The following SYTL1 variants were observed in gnomAD, a reference collection of about 807,000 sequenced individuals.
The protein encoded by SYTL1 is synaptotagmin-like protein 1.
A neutral mutation model predicts 74.6 loss-of-function variants in SYTL1; 53 were observed. The ratio of observed to expected loss-of-function variants is 0.71; its 90% CI spans 0.57 to 0.89. The LOEUF (loss-of-function observed/expected upper bound fraction) is 0.89, where lower values mean the gene tolerates loss of function less well. Ranked by LOEUF, SYTL1 falls within the 40% of genes least tolerant of loss-of-function variation. The pLI, the probability that SYTL1 is intolerant of heterozygous loss-of-function variation, is 0.00. For missense variants in SYTL1, 728 were observed against 768.7 expected (o/e 0.95, Z 0.63); for synonymous variants, 329 against 324.9 (o/e 1.01, Z -0.14).
chr1:27,349,351 G>C, intron 6 of SYTL1, 47 bp from the exon 7 acceptor site: 4 of 1,446,968 alleles, frequency 2.8e-6, no homozygotes, highest in Non-Finnish European at 3.6e-6. Flanking sequence ...AATTTGCTTA[G>C]GGGAGGGCAG....
chr1:27,348,070 A>AG lies in SYTL1; in HGVS notation c.459+63dup, dbSNP rs755643919. ...TCCCTGGAGGGGAGGTGGAATGTGC[A>AG]GGGGGCAGGGGGGAAAGAGCCCCAG... On this transcript the variant is annotated intron_variant, in intron 5 of 14. Transcript: ENST00000616558. This position sits in a 1 kb window ranked among gnomAD's most constrained non-coding sequence, Gnocchi z 4.1. 6 of 1,555,920 alleles carry AG rather than the reference A, an allele frequency of 3.9e-6. No individual in the cohort carries two copies. The East Asian group carries it at 6.7e-5, about 17-fold the overall frequency.
chr1:27,353,792 G>A lies in SYTL1; in HGVS notation c.1629G>A (p.Gln543=), dbSNP rs1410043567. The A allele has an allele frequency of 3.7e-6, 6 of 1,614,102 alleles. No homozygotes were observed. Among genetic ancestry groups the A allele is most frequent in the Non-Finnish European group, 5.1e-6 (6 of 1,179,982 alleles). The change falls in exon 15 of 15, where the codon CAG becomes CAA. Residue 543 remains glutamine (Q), a synonymous_variant. Coordinates refer to ENST00000616558, the MANE Select transcript of SYTL1 (RefSeq NM_001193308.2). ...AGCTGTGGCAAGCCCTCCTGGAGCA[G>A]CCGTGCGAATGGGTGGATGGCCTTC... ...EKQLWQALLE[Q]PCEWVDGLLP...
chr1:27,350,870 A>G lies in SYTL1; in HGVS notation c.1082A>G (p.Asn361Ser), dbSNP rs773464496. 21 of 1,613,722 alleles carry G rather than the reference A, an allele frequency of 1.3e-5. No individual in the cohort carries two copies. In the Middle Eastern group the frequency reaches 4.9e-4, roughly 38 times the overall value. Residue 361 changes from asparagine (N) to serine (S), a missense_variant, in exon 11 of 15, where the codon AAC becomes AGC. By Grantham distance (46) the Asn-to-Ser change is conservative. Transcript: ENST00000616558. This position sits in a 1 kb window ranked among gnomAD's most constrained non-coding sequence, Gnocchi z 6.3. Reference protein sequence around the residue: ...SVWHRESLGRNIFLGEVEVPL... With the variant: ...SVWHRESLGRSIFLGEVEVPL... ...TGGCACCGCGAAAGCCTGGGTCGCA[A>G]CATCTTTCTGGGCGAAGTTGAAGTG...
In SYTL1 at chr1:27,351,722, G is replaced by A; in HGVS notation, c.1343+167G>A. On this transcript the variant is annotated intron_variant, in intron 13 of 14. Transcript: ENST00000616558. This position sits in a 1 kb window ranked among gnomAD's most constrained non-coding sequence, Gnocchi z 5.0. ...AAAGGCCTGGAGTCAGGGAAGTTGA[G>A]GACACCTTTGAGGAGCTGCATTTCA... 1.8e-6 allele frequency: 1 copy of A among 544,982 alleles called. No individual in the cohort carries two copies. The highest frequency in any genetic ancestry group is 2.5e-5 in the South Asian group (1 of 39,970). The allele number at this position is 544,982 out of a possible 1,614,324, so 33.8% of individuals were successfully genotyped here.
In SYTL1 at chr1:27,353,786, G is replaced by A. The variant is rs2015388228; in HGVS notation, c.1623G>A (p.Leu541=). 3 of 1,614,074 alleles carry A rather than the reference G, an allele frequency of 1.9e-6. No individual in the cohort carries two copies. Among genetic ancestry groups the A allele is most frequent in the East Asian group, 2.2e-5 (1 of 44,876 alleles). ...PEEKQLWQAL[L]EQPCEWVDGL... ...AGAAGCAGCTGTGGCAAGCCCTCCT[G>A]GAGCAGCCGTGCGAATGGGTGGATG... Residue 541 remains leucine (L), a synonymous_variant, in exon 15 of 15, where the codon CTG becomes CTA. Coordinates refer to ENST00000616558, the MANE Select transcript of SYTL1 (RefSeq NM_001193308.2).
Position 27,351,209 on chromosome 1 carries a change from A to G in SYTL1, c.1165-49A>G. 1 of 1,542,702 alleles carries G rather than the reference A, an allele frequency of 6.5e-7. No individual in the cohort carries two copies. Among genetic ancestry groups the G allele is most frequent in the Non-Finnish European group, 8.8e-7 (1 of 1,142,422 alleles). On this transcript the variant is annotated intron_variant, in intron 11 of 14. Coordinates refer to ENST00000616558, the MANE Select transcript of SYTL1 (RefSeq NM_001193308.2). This position sits in a 1 kb window ranked among gnomAD's most constrained non-coding sequence, Gnocchi z 5.0. ...CGGGTCTGCAGACCCCACCCTCCTG[A>G]GGCCCCTTTCCATTAGCCCCTGCTC...
rs1188708146 is a variant in SYTL1 at position 27,349,963 on chromosome 1, C to T, written c.748-9C>T. ...AGCGGCCCTGACTCCCACCCACTCC[C>T]GTCCGCAGCTGAGCGGCAGCCAGAT... On this transcript the variant is annotated splice_polypyrimidine_tract_variant and intron_variant, in intron 8 of 14. Transcript: ENST00000616558. The T allele has an allele frequency of 1.3e-6, 2 of 1,571,508 alleles. No homozygotes were observed. The highest frequency in any genetic ancestry group is 2.7e-5 in the African/African-American group (2 of 73,520).
Position 27,351,671 on chromosome 1 carries a change from G to T in SYTL1, c.1343+116G>T. ...ACGCAGCCTGGGCTTTCACCACTGA[G>T]CAGGGGTGAAGGGGACGGTTTGAGC... On this transcript the variant is annotated intron_variant, in intron 13 of 14. Transcript: ENST00000616558. The surrounding 1 kb of genome is among the most constrained non-coding windows in gnomAD (Gnocchi z 5.0). The T allele has an allele frequency of 4.3e-6, 3 of 690,826 alleles. No homozygotes were observed. Among genetic ancestry groups the T allele is most frequent in the South Asian group, 2.0e-5 (1 of 49,638 alleles). The allele number at this position is 690,826 out of a possible 1,614,324, so 42.8% of individuals were successfully genotyped here. A position where few individuals can be genotyped will look rare whatever the true frequency, so the allele number is the denominator to read the frequency against.
chr1:27,353,575 C>T lies in SYTL1; in HGVS notation c.1549+87C>T, dbSNP rs143761505. 4.5e-4 allele frequency: 685 copies of T among 1,528,264 alleles called. 8 individuals are homozygous for T. In the African/African-American group the frequency reaches 8.2e-3, roughly 18 times the overall value. 94.7% of individuals were successfully genotyped at this position (1,528,264 alleles called of 1,614,324 possible). On this transcript the variant is annotated intron_variant, in intron 14 of 14. Transcript: ENST00000616558. The stretch of plus-strand genomic sequence containing the variant: ...GTGTGGCCCTGGATACCTCTCTGTC[C>T]TTTCCTGAGCTTTGATATCTACTGA...
In SYTL1 at chr1:27,347,334, C is replaced by T. The variant is rs960810839; in HGVS notation, c.192-87C>T. ...GTCTGATTTGCTGTTGGGTCCCTGG[C>T]CCCTGGTCCCAAGCCTGTTAACAAT... On this transcript the variant is annotated intron_variant, in intron 2 of 14. Coordinates refer to ENST00000616558, the MANE Select transcript of SYTL1 (RefSeq NM_001193308.2). The surrounding 1 kb of genome is among the most constrained non-coding windows in gnomAD (Gnocchi z 4.9). 7.6e-6 allele frequency: 12 copies of T among 1,572,396 alleles called. No individual in the cohort carries two copies. The highest frequency in any genetic ancestry group is 1.7e-4 in the Middle Eastern group (1 of 5,858).
chr1:27,351,381 C>CGGGA lies in SYTL1; in HGVS notation c.1243+47_1243+50dup, dbSNP rs2015268524. The CGGGA allele has an allele frequency of 6.6e-7, 1 of 1,511,880 alleles. No homozygotes were observed. The allele number at this position is 1,511,880 out of a possible 1,614,324, so 93.7% of individuals were successfully genotyped here. A position where few individuals can be genotyped will look rare whatever the true frequency, so the allele number is the denominator to read the frequency against. ...GCCAAGCTGGACACGCCCTGAAAAG[C>CGGGA]GGGAGACTCCAGTCCCCGGGTTTGG... On this transcript the variant is annotated intron_variant, in intron 12 of 14. Coordinates refer to ENST00000616558, the MANE Select transcript of SYTL1 (RefSeq NM_001193308.2). This position sits in a 1 kb window ranked among gnomAD's most constrained non-coding sequence, Gnocchi z 5.0.
chr1:27,346,717 T>C (rs757591695), intron 2 of SYTL1, among the ~76,000 whole-genome samples: 5 of 151,908 alleles, frequency 3.3e-5, no homozygotes, highest in Non-Finnish European at 7.4e-5. Flanking sequence ...GCCATGATCA[T>C]GCCACTGCAC....
Position 27,347,347 on chromosome 1 carries a change from G to C in SYTL1, c.192-74G>C. 6.2e-7 allele frequency: 1 copy of C among 1,602,682 alleles called. No individual in the cohort carries two copies. The highest frequency in any genetic ancestry group is 8.5e-7 in the Non-Finnish European group (1 of 1,171,980). On this transcript the variant is annotated intron_variant, in intron 2 of 14. Coordinates refer to ENST00000616558, the MANE Select transcript of SYTL1 (RefSeq NM_001193308.2). This position sits in a 1 kb window ranked among gnomAD's most constrained non-coding sequence, Gnocchi z 4.9. ...TTGGGTCCCTGGCCCCTGGTCCCAA[G>C]CCTGTTAACAATGTAGGTGGCGGGA...
chr1:27,344,426 GA>G (rs1404086587), intron 1 of SYTL1, among the ~76,000 whole-genome samples: 3 of 151,444 alleles, frequency 2.0e-5, no homozygotes, highest in Admixed American at 2.0e-4. Flanking sequence ...TTTTAGTAGA[GA>G]AGGGGGTTTC....
At position 27,351,186 on chromosome 1, in the gene SYTL1, G is replaced by T; in HGVS notation, c.1165-72G>T. 1.3e-6 allele frequency: 2 copies of T among 1,514,204 alleles called. No homozygotes were observed. The highest frequency in any genetic ancestry group is 8.9e-7 in the Non-Finnish European group (1 of 1,119,538). 93.8% of individuals were successfully genotyped at this position (1,514,204 alleles called of 1,614,324 possible). A position where few individuals can be genotyped will look rare whatever the true frequency, so the allele number is the denominator to read the frequency against. On this transcript the variant is annotated intron_variant, in intron 11 of 14. Transcript: ENST00000616558. This position sits in a 1 kb window ranked among gnomAD's most constrained non-coding sequence, Gnocchi z 5.0. ...GTCTCTTCTAGCCGCACCCCATCCG[G>T]GTCTGCAGACCCCACCCTCCTGAGG... is the stretch of plus-strand genomic sequence containing the variant.
chr1:27,350,207 G>T lies in SYTL1; in HGVS notation c.908+75G>T. 6.8e-7 allele frequency: 1 copy of T among 1,478,188 alleles called. No individual in the cohort carries two copies. The highest frequency in any genetic ancestry group is 9.1e-7 in the Non-Finnish European group (1 of 1,098,172). 91.6% of individuals were successfully genotyped at this position (1,478,188 alleles called of 1,614,324 possible). On this transcript the variant is annotated intron_variant, in intron 9 of 14. Coordinates refer to ENST00000616558, the MANE Select transcript of SYTL1 (RefSeq NM_001193308.2). The surrounding 1 kb of genome is among the most constrained non-coding windows in gnomAD (Gnocchi z 6.3). ...CCATTCACAGGGTCTCGGCCTCCTC[G>T]TCCTCATCTTCAAAATGGGAACAAC...
Position 27,350,348 on chromosome 1 carries a change from C to T in SYTL1, c.909-41C>T, listed in dbSNP as rs1325621339. On this transcript the variant is annotated intron_variant, in intron 9 of 14. Coordinates refer to ENST00000616558, the MANE Select transcript of SYTL1 (RefSeq NM_001193308.2). The surrounding 1 kb of genome is among the most constrained non-coding windows in gnomAD (Gnocchi z 6.3). ...GAGCCCACAGGCAGGGGAGAAGGCT[C>T]TGGGAGGGCCCCTCCTCACCTCGGG... is the stretch of plus-strand genomic sequence containing the variant. The T allele has an allele frequency of 6.3e-7, 1 of 1,579,804 alleles. No homozygotes were observed. The highest frequency in any genetic ancestry group is 1.1e-5 in the South Asian group (1 of 90,412).
chr1:27,347,041 G>A lies in SYTL1; in HGVS notation c.192-380G>A, dbSNP rs1305324695. Reference sequence around the variant, plus strand: ...GGAGGCTGAGGTGGGAGGATCACTTGAGCCTGGAAGGTGAAGGTTGCAGTG... The same window carrying A: ...GGAGGCTGAGGTGGGAGGATCACTTAAGCCTGGAAGGTGAAGGTTGCAGTG... On this transcript the variant is annotated intron_variant, in intron 2 of 14. Coordinates refer to ENST00000616558, the MANE Select transcript of SYTL1 (RefSeq NM_001193308.2). The surrounding 1 kb of genome is among the most constrained non-coding windows in gnomAD (Gnocchi z 4.9). 5.9e-5 allele frequency among the ~76,000 whole-genome samples: 9 copies of A among 151,844 alleles called. No individual in the cohort carries two copies. The highest frequency in any genetic ancestry group is 2.0e-4 in the East Asian group (1 of 5,126).
chr1:27,353,917 T>C lies in SYTL1; in HGVS notation c.*65T>C. On this transcript the variant is annotated 3_prime_UTR_variant, in exon 15 of 15. Coordinates refer to ENST00000616558, the MANE Select transcript of SYTL1 (RefSeq NM_001193308.2). Reference sequence around the variant, plus strand: ...CTGCCCTTGGCTAAAGTCAATAAAGTCTATTCTAAGAGCAATAAAAGGCTG... The same window carrying C: ...CTGCCCTTGGCTAAAGTCAATAAAGCCTATTCTAAGAGCAATAAAAGGCTG... The C allele has an allele frequency of 1.4e-6, 2 of 1,480,840 alleles. No homozygotes were observed. The highest frequency in any genetic ancestry group is 2.3e-5 in the East Asian group (1 of 43,934). 91.7% of individuals were successfully genotyped at this position (1,480,840 alleles called of 1,614,324 possible).
Sources: gnomAD v4.1 joint callset for allele counts (sites outside exome capture counted in the v4.1 genomes callset) on GRCh38, gnomAD v4.1.1 for gene constraint, Gnocchi (gnomAD v3.1) non-coding constraint, MANE v1.5 for transcripts, NCBI Gene and HGNC (gene_info 2026-07-23, HGNC 2026-07-21) for gene names.